Variants in KDM2B observed in about 807,000 individuals in gnomAD.
KDM2B encodes the protein lysine demethylase 2B.
In KDM2B, 26 loss-of-function variants were observed where a neutral mutation model predicts 150.0. The observed-to-expected ratio is 0.17, with a 90% CI of 0.13 to 0.24. The LOEUF is 0.24. KDM2B is among the 10% of genes least tolerant of loss of function. The pLI is 1.00. For synonymous variants in KDM2B, 734 were observed against 729.5 expected (o/e 1.01, Z -0.10); for missense variants, 1,265 against 1,816.9 (o/e 0.70, Z 5.52).
At chr12:121,558,539 C>T (rs546918552) in intron 4 of KDM2B, among the ~76,000 whole-genome samples, 23 of 151,634 alleles carry the variant, frequency 1.5e-4, no homozygotes, top group South Asian at 4.2e-4. Flanking sequence ...CTGCAGCCTC[C>T]GCCTCTTGGG....
At position 121,549,481 on chromosome 12, in the gene KDM2B, G is replaced by A; in HGVS notation, c.555C>T (p.His185=). Residue 185 remains histidine, a synonymous_variant, in exon 5 of 23, where the codon CAC becomes CAT. Transcript: ENST00000377071. This position sits in a 1 kb window ranked among gnomAD's most constrained non-coding sequence, Gnocchi z 4.4. ...SLEFSHTKLE[H]LVKRPTVVDL... ...CTACCACAGTCGGACGCTTGACCAA[G>A]TGCTCCAGCTTGGTGTGGCTGAACT... 1 of 1,604,744 alleles carries A rather than the reference G, an allele frequency of 6.2e-7. No homozygotes were observed. The highest frequency in any genetic ancestry group is 8.5e-7 in the Non-Finnish European group (1 of 1,172,776).
chr12:121,525,428 G>A (rs547283755), intron 8 of KDM2B, among the ~76,000 whole-genome samples: 116 of 152,130 alleles, frequency 7.6e-4, no homozygotes, highest in African/African-American at 2.8e-3. Flanking sequence ...ATTTTTACTA[G>A]AGATGAGGTT....
chr12:121,553,699 G>A (rs891229864), intron 4 of KDM2B, among the ~76,000 whole-genome samples: 4 of 152,114 alleles, frequency 2.6e-5, no homozygotes, highest in African/African-American at 9.7e-5. Flanking sequence ...GGTGGAGAAG[G>A]TGAGGAGCTG....
At chr12:121,490,552 C>CA (rs1883237379) in intron 12 of KDM2B, among the ~76,000 whole-genome samples, 1 of 152,192 alleles carries the variant, frequency 6.6e-6, no homozygotes, top group African/African-American at 2.4e-5. Flanking sequence ...AGCCAGGGGT[C>CA]AGCTCACTAA....
intron 4 of KDM2B, among the ~76,000 whole-genome samples, chr12:121,570,815 A>G (rs1891036361): frequency 6.6e-6 from 1 of 152,194 alleles, no homozygotes; most frequent in Non-Finnish European, 1.5e-5. Flanking sequence ...TTCCACTCCT[A>G]AAGATATACC....
the KDM2B span, chr12:121,420,027 C>T: frequency 2.1e-6 from 1 of 469,566 alleles, no homozygotes; most frequent in African/African-American, 2.0e-5. Context: ...TACACACACA[C>T]AGGAATTTGT....
intron 4 of KDM2B, among the ~76,000 whole-genome samples, chr12:121,571,699 G>A (rs1387441689): frequency 1.3e-5 from 2 of 149,110 alleles, no homozygotes; most frequent in African/African-American, 2.5e-5. Flanking sequence ...CGCCTGGGCT[G>A]GAGTGCAGTG....
chr12:121,490,003 C>T (rs1555299630), intron 12 of KDM2B, among the ~76,000 whole-genome samples: 1 of 152,162 alleles, frequency 6.6e-6, no homozygotes, highest in Non-Finnish European at 1.5e-5. Context: ...GACTGCGGGC[C>T]GACAGGACTG....
Position 121,502,836 on chromosome 12 carries a change from C to T in KDM2B, c.1647+6731G>A, listed in dbSNP as rs73224277. Among the ~76,000 whole-genome samples the T allele has an allele frequency of 5.9e-3, 884 of 150,790 alleles. 3 individuals are homozygous for T. The highest frequency in any genetic ancestry group is 9.4e-3 in the Non-Finnish European group (639 of 67,764). On this transcript the variant is annotated intron_variant, in intron 11 of 22. Transcript: ENST00000377071. ...CGCATGCCTGTAGTCCCAGCTACCTCGATCACCTGAGCTAGGAGGTCGAGG... is the reference window on the plus strand; with the variant it reads ...CGCATGCCTGTAGTCCCAGCTACCTTGATCACCTGAGCTAGGAGGTCGAGG...
intron 4 of KDM2B, among the ~76,000 whole-genome samples, chr12:121,573,136 T>C (rs1342856491): frequency 4.0e-5 from 6 of 149,916 alleles, no homozygotes; most frequent in Non-Finnish European, 8.9e-5. Context: ...ATTTTTTTTT[T>C]TTTTTAGAGA....
chr12:121,477,061 TG>T (rs1381156664), intron 12 of KDM2B, among the ~76,000 whole-genome samples: 1 of 152,154 alleles, frequency 6.6e-6, no homozygotes. Flanking sequence ...CATCTCCTGA[TG>T]AAACAATTTT....
chr12:121,509,927 G>T lies in KDM2B; in HGVS notation c.1287C>A (p.Gly429=). Residue 429 remains glycine (G), a synonymous_variant, in exon 11 of 23, where the codon GGC becomes GGA. Coordinates refer to ENST00000377071, the MANE Select transcript of KDM2B (RefSeq NM_032590.5). ...GTTTGGGTGCCCTGTCCCTGCCCTC[G>T]CCCTCCTCGTCCTTCTCCTCCTCCT... ...PQEEEEKDEE[G]EGRDRAPKPP... 6.2e-7 allele frequency: 1 copy of T among 1,612,922 alleles called. No individual in the cohort carries two copies. Among genetic ancestry groups the T allele is most frequent in the Non-Finnish European group, 8.5e-7 (1 of 1,179,750 alleles).
chr12:121,546,335 GC>G (rs1391900694), intron 6 of KDM2B, among the ~76,000 whole-genome samples: 18 of 148,648 alleles, frequency 1.2e-4, no homozygotes, highest in Admixed American at 6.7e-4. Flanking sequence ...TTTTTTCGGG[GC>G]CCTTTTCACT....
At chr12:121,449,342 G>T (rs959589653) in intron 13 of KDM2B, among the ~76,000 whole-genome samples, 2 of 152,126 alleles carry the variant, frequency 1.3e-5, no homozygotes, top group African/African-American at 4.8e-5. Context: ...GGCTGCGTAT[G>T]TCACAGGTGG....
chr12:121,579,039 C>T, intron 1 of KDM2B, 93 bp from the exon 2 acceptor site: 2 of 1,377,418 alleles, frequency 1.5e-6, no homozygotes, highest in South Asian at 1.3e-5. Context: ...GTGCAGCAGC[C>T]GAGCGCCCCC....
At chr12:121,553,013 A>G (rs1358171216) in intron 4 of KDM2B, among the ~76,000 whole-genome samples, 1 of 152,020 alleles carries the variant, frequency 6.6e-6, no homozygotes, top group East Asian at 1.9e-4. Flanking sequence ...CGGGCAGATC[A>G]TGAGGTCAGG....
intron 12 of KDM2B, among the ~76,000 whole-genome samples, chr12:121,470,836 G>A (rs1160862850): frequency 6.6e-6 from 1 of 152,202 alleles, no homozygotes; most frequent in Non-Finnish European, 1.5e-5. Context: ...CCAATTCCAA[G>A]GTGGGTAGGT....
intron 4 of KDM2B, among the ~76,000 whole-genome samples, chr12:121,560,058 G>A (rs1253435405): frequency 6.6e-6 from 1 of 152,174 alleles, no homozygotes; most frequent in Non-Finnish European, 1.5e-5. Context: ...AGGCTGGAGT[G>A]CAATGGTGCC....
chr12:121,512,433 A>T (rs1454132746), intron 10 of KDM2B, among the ~76,000 whole-genome samples: 1 of 152,100 alleles, frequency 6.6e-6, no homozygotes, highest in Non-Finnish European at 1.5e-5. Flanking sequence ...GGGGAAATAA[A>T]AAAAGAATCT....
Sources: gnomAD v4.1 joint callset for allele counts (sites outside exome capture counted in the v4.1 genomes callset) on GRCh38, gnomAD v4.1.1 for gene constraint, Gnocchi (gnomAD v3.1) non-coding constraint, MANE v1.5 for transcripts, NCBI Gene and HGNC (gene_info 2026-07-23, HGNC 2026-07-21) for gene names.